PCDHGA9: variants seen among roughly 807,000 people sequenced by gnomAD.
The protein encoded by PCDHGA9 is protocadherin gamma-A9.
PCDHGA9 carries 37 observed loss-of-function variants against 62.5 expected under a neutral mutation model. The observed-to-expected ratio is 0.59, with a 90% CI of 0.46 to 0.78. PCDHGA9 has a LOEUF of 0.78. Ranked by LOEUF, PCDHGA9 falls within the 30% of genes least tolerant of loss-of-function variation. PCDHGA9 has a pLI of 0.00. For synonymous variants in PCDHGA9, 459 were observed against 484.6 expected (o/e 0.95, Z 0.69); for missense variants, 1,138 against 1,166.2 (o/e 0.98, Z 0.35).
chr5:141,501,304 C>T (rs1005430489), intron 2 of PCDHGA9, among the ~76,000 whole-genome samples: 104 of 151,340 alleles, frequency 6.9e-4, no homozygotes, highest in African/African-American at 2.2e-3. Flanking sequence ...CACACACACA[C>T]ACACACACAC....
At position 141,485,162 on chromosome 5, in the gene PCDHGA9, C is replaced by A. The variant is rs759021453; in HGVS notation, c.2425-9645C>A. The A allele has an allele frequency of 8.7e-6, 14 of 1,602,188 alleles. No individual in the cohort carries two copies. The Admixed American group carries it at 2.0e-4, about 23-fold the overall frequency. ...GTCTCAGGAGCAAGTAGAGAATTAGCGGGCGGCAGCAATGCTCCGCAAGGT... is the reference window on the plus strand; with the variant it reads ...GTCTCAGGAGCAAGTAGAGAATTAGAGGGCGGCAGCAATGCTCCGCAAGGT... On this transcript the variant is annotated intron_variant, in intron 1 of 3. Transcript: ENST00000573521. The surrounding 1 kb of genome is among the most constrained non-coding windows in gnomAD (Gnocchi z 5.7).
chr5:141,420,251 G>A lies in PCDHGA9; in HGVS notation c.2424+14875G>A, dbSNP rs778777293. ...TAGCATTTTAACTCCCAGCGTTGAA[G>A]CAGATAAGAAGATTCTTAAACAGGT... is the stretch of plus-strand genomic sequence containing the variant. On this transcript the variant is annotated intron_variant, in intron 1 of 3. Transcript: ENST00000573521. The A allele has an allele frequency of 2.9e-5, 46 of 1,578,746 alleles. No homozygotes were observed. In the South Asian group the frequency reaches 4.5e-4, roughly 15 times the overall value.
At position 141,404,067 on chromosome 5, in the gene PCDHGA9, A is replaced by G. The variant is rs540954192; in HGVS notation, c.1115A>G (p.His372Arg). 3.7e-6 allele frequency: 6 copies of G among 1,613,894 alleles called. No homozygotes were observed. The highest frequency in any genetic ancestry group is 2.2e-5 in the South Asian group (2 of 91,086). ...ACAGTAATTCTTCTTTTCAATGCTCATGACCGAGACTCCGGGAAGAATGGT... is the reference window on the plus strand; with the variant it reads ...ACAGTAATTCTTCTTTTCAATGCTCGTGACCGAGACTCCGGGAAGAATGGT... ...QGTVILLFNA[H>R]DRDSGKNGQV... The change falls in exon 1 of 4, where the codon CAT (histidine) becomes CGT (arginine). Residue 372 changes from histidine (H) to arginine (R), a missense_variant. Transcript: ENST00000573521.
Position 141,476,838 on chromosome 5 carries a change from C to T in PCDHGA9, c.2425-17969C>T, listed in dbSNP as rs1347278637. 2.5e-6 allele frequency: 4 copies of T among 1,613,496 alleles called. No individual in the cohort carries two copies. Among genetic ancestry groups the T allele is most frequent in the Non-Finnish European group, 3.4e-6 (4 of 1,180,054 alleles). ...AAGGTGCTGGACGCGAATGACAATG[C>T]GCCTGTCTTCAACCAGTCCTTGTAC... On this transcript the variant is annotated intron_variant, in intron 1 of 3. Transcript: ENST00000573521. This position sits in a 1 kb window ranked among gnomAD's most constrained non-coding sequence, Gnocchi z 7.6.
chr5:141,478,415 C>G (rs182700706), intron 1 of PCDHGA9: 5 of 1,613,648 alleles, frequency 3.1e-6, no homozygotes, highest in Non-Finnish European at 4.2e-6. Context: ...CACGGACTCC[C>G]GCCGCAGCGA....
At position 141,476,752 on chromosome 5, in the gene PCDHGA9, A is replaced by C. The variant is rs771355583; in HGVS notation, c.2425-18055A>C. The C allele has an allele frequency of 6.2e-7, 1 of 1,613,926 alleles. No homozygotes were observed. The highest frequency in any genetic ancestry group is 1.1e-5 in the South Asian group (1 of 91,080). Reference sequence around the variant, plus strand: ...GAGAACGGGAGCCTAGTCTCCAGTTAGTGCTGACGGCGTTGGACGGAGGGA... The same window carrying C: ...GAGAACGGGAGCCTAGTCTCCAGTTCGTGCTGACGGCGTTGGACGGAGGGA... On this transcript the variant is annotated intron_variant, in intron 1 of 3. Transcript: ENST00000573521. The surrounding 1 kb of genome is among the most constrained non-coding windows in gnomAD (Gnocchi z 7.6).
At chr5:141,422,617 G>T (rs758903894) in intron 1 of PCDHGA9, 3 of 1,613,524 alleles carry the variant, frequency 1.9e-6, no homozygotes, top group Non-Finnish European at 2.5e-6. Context: ...CTACATTCCC[G>T]AAAACAACCC....
At chr5:141,407,534 A>T (rs72790039) in intron 1 of PCDHGA9, among the ~76,000 whole-genome samples, 1 of 149,478 alleles carries the variant, frequency 6.7e-6, no homozygotes, top group Non-Finnish European at 1.5e-5. Flanking sequence ...CTTATTGTGC[A>T]TTGGTAACAG....
intron 1 of PCDHGA9, chr5:141,419,616 A>G (rs1291494618): frequency 6.2e-7 from 1 of 1,612,086 alleles, no homozygotes; most frequent in African/African-American, 1.3e-5. Flanking sequence ...CAGCCAGGCT[A>G]CCTGGTGACC....
chr5:141,478,221 C>A, intron 1 of PCDHGA9: 1 of 1,614,122 alleles, frequency 6.2e-7, no homozygotes, highest in Non-Finnish European at 8.5e-7. Context: ...ATCCTGGTTT[C>A]TGTGGGGTTT....
chr5:141,509,155 C>G (rs981661695), intron 3 of PCDHGA9, among the ~76,000 whole-genome samples: 3 of 152,202 alleles, frequency 2.0e-5, no homozygotes, highest in Non-Finnish European at 4.4e-5. Flanking sequence ...GCTCTCCCCT[C>G]CCGTGTGCCC....
In PCDHGA9 at chr5:141,431,248, G is replaced by C. The variant is rs1213088915; in HGVS notation, c.2424+25872G>C. On this transcript the variant is annotated intron_variant, in intron 1 of 3. Coordinates refer to ENST00000573521, the MANE Select transcript of PCDHGA9 (RefSeq NM_018921.3). This position sits in a 1 kb window ranked among gnomAD's most constrained non-coding sequence, Gnocchi z 4.8. ...CCCACGCCTGGGATCCGGATATCGG[G>C]AAGAACTCTCTGCAGAGCTACGAGC... is the stretch of plus-strand genomic sequence containing the variant. 5 of 1,614,022 alleles carry C rather than the reference G, an allele frequency of 3.1e-6. No homozygotes were observed. Among genetic ancestry groups the C allele is most frequent in the Non-Finnish European group, 4.2e-6 (5 of 1,180,056 alleles).
intron 1 of PCDHGA9, among the ~76,000 whole-genome samples, chr5:141,449,103 A>G (rs1033077737): frequency 2.0e-5 from 3 of 152,206 alleles, no homozygotes; most frequent in African/African-American, 7.2e-5. Context: ...CATATGCAGT[A>G]TATCTTTGGG....
In PCDHGA9 at chr5:141,491,561, A is replaced by G. The variant is rs1289732955; in HGVS notation, c.2425-3246A>G. ...CCCACAGACTCGCAGAGCCACTGCT[A>G]CAGGACGTGCTTTTCACCGGCCTCG... On this transcript the variant is annotated intron_variant, in intron 1 of 3. Transcript: ENST00000573521. The surrounding 1 kb of genome is among the most constrained non-coding windows in gnomAD (Gnocchi z 6.9). The G allele has an allele frequency of 6.2e-7, 1 of 1,613,938 alleles. No homozygotes were observed. Among genetic ancestry groups the G allele is most frequent in the Non-Finnish European group, 8.5e-7 (1 of 1,180,018 alleles).
At chr5:141,424,698 T>G (rs1214214315) in intron 1 of PCDHGA9, 1 of 152,228 alleles carries the variant, frequency 6.6e-6, no homozygotes, top group Non-Finnish European at 1.5e-5. Context: ...GCTATTTTTT[T>G]GTTCATTTTC....
At chr5:141,426,487 G>A (rs999549044) in intron 1 of PCDHGA9, 2 of 333,788 alleles carry the variant, frequency 6.0e-6, no homozygotes, top group African/African-American at 4.3e-5. Context: ...AAACCTTAGA[G>A]TTAGTGCAGA....
At chr5:141,410,189 G>A in intron 1 of PCDHGA9, 1 of 1,613,992 alleles carries the variant, frequency 6.2e-7, no homozygotes, top group Non-Finnish European at 8.5e-7. Context: ...GCTTCATCTG[G>A]TCTTCGCAGA....
rs1280755615 is a variant in PCDHGA9, at chr5:141,431,629, A to G, written c.2424+26253A>G. 1 of 1,614,246 alleles carries G rather than the reference A, an allele frequency of 6.2e-7. No individual in the cohort carries two copies. ...GGTATGTGGACGACAAGGCGGCCCA[A>G]GTTTTCAAACTAGATTGTAATTCAG... On this transcript the variant is annotated intron_variant, in intron 1 of 3. Transcript: ENST00000573521. The surrounding 1 kb of genome is among the most constrained non-coding windows in gnomAD (Gnocchi z 4.8).
chr5:141,415,293 C>G, intron 1 of PCDHGA9: 1 of 1,614,192 alleles, frequency 6.2e-7, no homozygotes, highest in Non-Finnish European at 8.5e-7. Flanking sequence ...CGGTCTCCTG[C>G]GTCTTCCTGG....
Sources: allele counts gnomAD v4.1 joint callset (sites outside exome capture counted in the v4.1 genomes callset), GRCh38; gene constraint gnomAD v4.1.1; non-coding constraint Gnocchi (gnomAD v3.1); transcripts MANE v1.5; gene names NCBI Gene and HGNC (gene_info 2026-07-23, HGNC 2026-07-21).